The following RGS6 variants were observed in gnomAD, a reference collection of about 807,000 sequenced individuals.
The protein encoded by RGS6 is regulator of G protein signaling 6.
RGS6 carries 30 observed loss-of-function variants against 78.5 expected under a neutral mutation model. The ratio of observed to expected loss-of-function variants is 0.38; its 90% confidence interval spans 0.29 to 0.52. The LOEUF (loss-of-function observed/expected upper bound fraction) is 0.52, where lower values mean the gene tolerates loss of function less well. RGS6 is among the 20% of genes least tolerant of loss of function. RGS6 has a pLI of 0.85. For synonymous variants in RGS6, 206 were observed against 206.0 expected (o/e 1.00, Z 0.00); for missense variants, 495 against 609.7 (o/e 0.81, Z 1.98).
chr14:72,508,562 CTTTTTTTTT>C (rs61097187), intron 13 of RGS6, among the ~76,000 whole-genome samples: 19 of 56,472 alleles, frequency 3.4e-4, no homozygotes, highest in African/African-American at 1.4e-3. Context: ...ACACAAGCTC[CTTTTTTTTT>C]TTTTTTTTTT....
At chr14:72,503,148 G>A (rs1354640148) in intron 13 of RGS6, among the ~76,000 whole-genome samples, 1 of 152,134 alleles carries the variant, frequency 6.6e-6, no homozygotes, top group Non-Finnish European at 1.5e-5. Flanking sequence ...AAAGGCAAGA[G>A]AGCTCTGGGG....
chr14:72,415,035 C>T (rs114853988), intron 3 of RGS6, among the ~76,000 whole-genome samples: 3,906 of 151,992 alleles, frequency 0.026, 74 homozygotes, highest in African/African-American at 0.044. Flanking sequence ...GCCCAGACTG[C>T]GTGCTGAGAG....
intron 3 of RGS6, among the ~76,000 whole-genome samples, chr14:72,376,921 A>C (rs1399408112): frequency 2.0e-5 from 3 of 152,154 alleles, no homozygotes; most frequent in African/African-American, 7.2e-5. Context: ...CCAATACACA[A>C]AGGAGAAAGA....
intron 3 of RGS6, among the ~76,000 whole-genome samples, chr14:72,355,768 T>C (rs2080132998): frequency 6.6e-6 from 1 of 152,142 alleles, no homozygotes; most frequent in East Asian, 1.9e-4. Flanking sequence ...CTCGAGAAGA[T>C]GACATTTGAG....
intron 2 of RGS6, among the ~76,000 whole-genome samples, chr14:72,257,843 G>C (rs1053372102): frequency 1.3e-5 from 2 of 152,104 alleles, no homozygotes; most frequent in African/African-American, 4.8e-5. Context: ...CAGAGCACTG[G>C]AGTTCCATGA....
intron 3 of RGS6, among the ~76,000 whole-genome samples, chr14:72,373,511 T>C (rs898251900): frequency 2.0e-5 from 3 of 152,338 alleles, no homozygotes; most frequent in Non-Finnish European, 4.4e-5. Flanking sequence ...AGAGGACATC[T>C]GTCCATCCTG....
In RGS6 at chr14:72,007,682, G is replaced by A. The variant is rs1027792099; in HGVS notation, c.84+42807G>A. On this transcript the variant is annotated intron_variant, in intron 2 of 17. Coordinates refer to ENST00000553525, the MANE Select transcript of RGS6 (RefSeq NM_001204424.2). ...GCCAAAAGATTAGACACCCTTGGACGAAGGGCTTGCCTTACAGATCCTCTC... is the reference window on the plus strand; with the variant it reads ...GCCAAAAGATTAGACACCCTTGGACAAAGGGCTTGCCTTACAGATCCTCTC... Among the ~76,000 whole-genome samples, 7 of 152,204 alleles carry A rather than the reference G, an allele frequency of 4.6e-5. No homozygotes were observed. In the South Asian group the frequency reaches 1.0e-3, roughly 23 times the overall value.
chr14:71,873,974 G>A, the RGS6 span, among the ~76,000 whole-genome samples: 1 of 152,096 alleles, frequency 6.6e-6, no homozygotes, highest in East Asian at 1.9e-4. Flanking sequence ...TTATTTCTGA[G>A]GGCTCTGTTC....
intron 2 of RGS6, among the ~76,000 whole-genome samples, chr14:71,975,319 C>T (rs908975140): frequency 8.5e-5 from 13 of 152,126 alleles, no homozygotes; most frequent in African/African-American, 2.7e-4. Context: ...ATTCCTCCTT[C>T]GAATGTAATC....
At chr14:72,410,646 G>A (rs1426383400) in intron 3 of RGS6, among the ~76,000 whole-genome samples, 10 of 152,162 alleles carry the variant, frequency 6.6e-5, no homozygotes, top group South Asian at 6.2e-4. Flanking sequence ...CCTTGCCCAC[G>A]CCTATGTCCT....
the RGS6 span, among the ~76,000 whole-genome samples, chr14:71,899,436 G>T: frequency 1.3e-5 from 2 of 152,196 alleles, no homozygotes; most frequent in Non-Finnish European, 2.9e-5. Context: ...ACATGTGGTT[G>T]TCTCCCCAGT....
At position 72,165,506 on chromosome 14, in the gene RGS6, G is replaced by T. The variant is rs149670; in HGVS notation, c.85-186589G>T. On this transcript the variant is annotated intron_variant, in intron 2 of 17. Coordinates refer to ENST00000553525, the MANE Select transcript of RGS6 (RefSeq NM_001204424.2). ...TTCTCCTAGCTCACAATTCAAAAGC[G>T]CATTGCTGGGATTCCTTGGGGGCTT... 4.6e-5 allele frequency among the ~76,000 whole-genome samples: 7 copies of T among 152,218 alleles called. No homozygotes were observed. The East Asian group carries it at 7.7e-4, about 17-fold the overall frequency.
intron 2 of RGS6, among the ~76,000 whole-genome samples, chr14:72,197,998 C>T (rs2040595101): frequency 1.3e-5 from 2 of 152,054 alleles, no homozygotes; most frequent in African/African-American, 2.4e-5. Flanking sequence ...TGCTTCCTGA[C>T]TTATCTCAGT....
intron 15 of RGS6, among the ~76,000 whole-genome samples, chr14:72,526,537 GTTAAA>G (rs1010826059): frequency 6.6e-5 from 10 of 152,264 alleles, no homozygotes; most frequent in African/African-American, 2.4e-4. Flanking sequence ...CCTTTGGCCA[GTTAAA>G]TTAAATCTGT....
At chr14:71,933,048 C>A (rs1238489978) in intron 1 of RGS6, 107 bp downstream of exon 1, 1 of 152,360 alleles carries the variant, frequency 6.6e-6, no homozygotes, top group Non-Finnish European at 1.5e-5. Context: ...GATTTCATCT[C>A]CTGGGTGTGG....
At chr14:72,312,486 C>A (rs1260932243) in intron 2 of RGS6, among the ~76,000 whole-genome samples, 1 of 152,126 alleles carries the variant, frequency 6.6e-6, no homozygotes, top group Admixed American at 6.6e-5. Context: ...AAAGGACAGG[C>A]TCTGGTTTTA....
chr14:72,395,621 G>A (rs1212580456), intron 3 of RGS6, among the ~76,000 whole-genome samples: 1 of 151,974 alleles, frequency 6.6e-6, no homozygotes, highest in Non-Finnish European at 1.5e-5. Context: ...CCATGTTGGT[G>A]TGCTGCACCC....
intron 3 of RGS6, among the ~76,000 whole-genome samples, chr14:72,432,993 G>A (rs1034771030): frequency 3.3e-5 from 5 of 152,158 alleles, no homozygotes; most frequent in South Asian, 2.1e-4. Flanking sequence ...TTGTAGCTCC[G>A]TCTGGGGAGT....
intron 2 of RGS6, among the ~76,000 whole-genome samples, chr14:72,044,920 G>T (rs1048001116): frequency 2.0e-5 from 3 of 151,978 alleles, no homozygotes; most frequent in African/African-American, 7.2e-5. Flanking sequence ...AAAACTCCAG[G>T]TTCTCCACCC....
Sources: gnomAD v4.1 joint callset for allele counts (sites outside exome capture counted in the v4.1 genomes callset) on GRCh38, gnomAD v4.1.1 for gene constraint, MANE v1.5 for transcripts, NCBI Gene and HGNC (gene_info 2026-07-23, HGNC 2026-07-21) for gene names.